The following THRB variants were observed in gnomAD, a reference collection of about 807,000 sequenced individuals.
The protein encoded by THRB is nuclear receptor subfamily 1 group A member 2.
Under a neutral mutation model 47.8 loss-of-function variants are expected in THRB, and 12 were observed. The ratio of observed to expected loss-of-function variants is 0.25; its 90% confidence interval spans 0.16 to 0.41. The LOEUF is 0.41. Among genes scored for constraint, THRB ranks in the 10% least tolerant of loss-of-function variants. The probability of loss-of-function intolerance (pLI) is 1.00; values close to 1 mark genes in which losing one functional copy is unlikely to be tolerated. For synonymous variants in THRB, 218 were observed against 212.2 expected (o/e 1.03, Z -0.24); for missense variants, 348 against 589.2 (o/e 0.59, Z 4.24).
chr3:24,252,427 A>G (rs891546877), intron 3 of THRB, among the ~76,000 whole-genome samples: 1 of 152,140 alleles, frequency 6.6e-6, no homozygotes, highest in Non-Finnish European at 1.5e-5. Context: ...TCACAGTTGA[A>G]TCTATAACTC....
intron 1 of THRB, among the ~76,000 whole-genome samples, chr3:24,450,600 CAA>C (rs1336956348): frequency 6.6e-6 from 1 of 152,166 alleles, no homozygotes; most frequent in Non-Finnish European, 1.5e-5. Context: ...CCTAAAAACT[CAA>C]AGACGAGTTT....
intron 5 of THRB, among the ~76,000 whole-genome samples, chr3:24,179,428 C>G (rs1183059729): frequency 2.0e-5 from 3 of 152,070 alleles, no homozygotes; most frequent in Non-Finnish European, 2.9e-5. Flanking sequence ...TATATGCAAA[C>G]AAACACATAC....
At chr3:24,328,477 T>C (rs1205857468) in intron 2 of THRB, among the ~76,000 whole-genome samples, 1 of 152,176 alleles carries the variant, frequency 6.6e-6, no homozygotes, top group Non-Finnish European at 1.5e-5. Flanking sequence ...CAGTCCCTAT[T>C]CCGGCCCTTA....
chr3:24,161,316 T>C (rs945162939), intron 5 of THRB, among the ~76,000 whole-genome samples: 3 of 152,200 alleles, frequency 2.0e-5, no homozygotes, highest in African/African-American at 7.2e-5. Context: ...CATTAACCAC[T>C]TAACTATTAC....
At chr3:24,384,611 C>T (rs555737773) in intron 1 of THRB, among the ~76,000 whole-genome samples, 2 of 152,182 alleles carry the variant, frequency 1.3e-5, no homozygotes, top group African/African-American at 4.8e-5. Context: ...GTATAATTTA[C>T]CATTAGTTTA....
At chr3:24,233,310 T>C (rs942953311) in intron 3 of THRB, among the ~76,000 whole-genome samples, 1 of 152,064 alleles carries the variant, frequency 6.6e-6, no homozygotes, top group Non-Finnish European at 1.5e-5. Flanking sequence ...TAACAGCATC[T>C]TGGGCTGCAT....
At chr3:24,165,645 C>CTT (rs1423997856) in intron 5 of THRB, 32 of 310,688 alleles carry the variant, frequency 1.0e-4, no homozygotes, top group South Asian at 2.2e-4. Context: ...AGGTCTTAAG[C>CTT]TGTGCATGCA....
At chr3:24,126,606 C>G in intron 10 of THRB, among the ~76,000 whole-genome samples, 1 of 146,562 alleles carries the variant, frequency 6.8e-6, no homozygotes, top group East Asian at 2.1e-4. Flanking sequence ...ACAAGTGAAG[C>G]AGGTAGTTAC....
At chr3:24,365,929 A>G (rs1265669084) in intron 1 of THRB, among the ~76,000 whole-genome samples, 10 of 152,184 alleles carry the variant, frequency 6.6e-5, no homozygotes, top group Non-Finnish European at 1.5e-4. Context: ...AGTAACTTCT[A>G]TCACATTTGG....
intron 3 of THRB, among the ~76,000 whole-genome samples, chr3:24,256,621 G>A (rs778613469): frequency 3.9e-5 from 6 of 152,110 alleles, no homozygotes; most frequent in Non-Finnish European, 7.4e-5. Flanking sequence ...AGAGAGATAC[G>A]TGTCTCAAGT....
intron 1 of THRB, among the ~76,000 whole-genome samples, chr3:24,390,797 A>AAAATAT (rs5847290): frequency 1.1e-3 from 152 of 137,842 alleles, no homozygotes; most frequent in African/African-American, 3.5e-3. Context: ...AAAAAAAAAA[A>AAAATAT]ATATATATAT....
intron 1 of THRB, among the ~76,000 whole-genome samples, chr3:24,361,401 T>G (rs1353478277): frequency 6.6e-6 from 1 of 152,114 alleles, no homozygotes; most frequent in Non-Finnish European, 1.5e-5. Flanking sequence ...TTGTGAAGTC[T>G]TGGAGAATGA....
chr3:24,493,536 C>A (rs1426270153), intron 1 of THRB, among the ~76,000 whole-genome samples: 1 of 152,170 alleles, frequency 6.6e-6, no homozygotes. Flanking sequence ...TACCCAAGAC[C>A]AATAATGTGC....
chr3:24,166,849 T>C (rs1400413694), intron 5 of THRB, among the ~76,000 whole-genome samples: 1 of 152,178 alleles, frequency 6.6e-6, no homozygotes, highest in Non-Finnish European at 1.5e-5. Context: ...GCTTTGGACA[T>C]GTAGCTCCAG....
Position 24,233,560 on chromosome 3 carries a change from G to GAAGGAAGA in THRB, c.-42-4560_-42-4559insTCTTCCTT, listed in dbSNP as rs1553658178. Among the ~76,000 whole-genome samples, 398 of 77,334 alleles carry GAAGGAAGA rather than the reference G, an allele frequency of 5.1e-3. 1 individual carries two copies. The highest frequency in any genetic ancestry group is 0.013 in the Middle Eastern group (2 of 150). The allele number at this position is 77,334 out of a possible 152,430, so 50.7% of individuals were successfully genotyped here. A position where few individuals can be genotyped will look rare whatever the true frequency, so the allele number is the denominator to read the frequency against. ...GAAAGAAAGAGAAAGAAAGAAAAAG[G>GAAGGAAGA]AAGAAAGAAAGAAAGAAAGAAAGAA... On this transcript the variant is annotated intron_variant, in intron 3 of 10. Coordinates refer to ENST00000646209, the MANE Select transcript of THRB (RefSeq NM_001354712.2).
chr3:24,247,441 C>T (rs1222754455), intron 3 of THRB, among the ~76,000 whole-genome samples: 1 of 152,182 alleles, frequency 6.6e-6, no homozygotes, highest in African/African-American at 2.4e-5. Context: ...GTACCATCCA[C>T]ATTTTACAGT....
chr3:24,137,294 G>T (rs2034803269), intron 8 of THRB, among the ~76,000 whole-genome samples: 1 of 152,214 alleles, frequency 6.6e-6, no homozygotes, highest in South Asian at 2.1e-4. Context: ...AGCAGGTACT[G>T]TGGGCCAGGC....
intron 4 of THRB, among the ~76,000 whole-genome samples, chr3:24,196,997 A>C (rs964538923): frequency 6.6e-6 from 1 of 152,346 alleles, no homozygotes; most frequent in Admixed American, 6.5e-5. Context: ...TCCATGTGCT[A>C]CCTTCTACCT....
intron 1 of THRB, among the ~76,000 whole-genome samples, chr3:24,418,069 T>G (rs2068904622): frequency 6.6e-6 from 1 of 151,798 alleles, no homozygotes; most frequent in African/African-American, 2.4e-5. Flanking sequence ...CTTTTTTCCT[T>G]CCCTCCTCCT....
Sources: allele counts gnomAD v4.1 joint callset (sites outside exome capture counted in the v4.1 genomes callset), GRCh38; gene constraint gnomAD v4.1.1; transcripts MANE v1.5; gene names NCBI Gene and HGNC (gene_info 2026-07-23, HGNC 2026-07-21).